Variants in C12orf54 observed in about 807,000 individuals in gnomAD.
C12orf54 encodes uncharacterized protein C12orf54.
A neutral mutation model predicts 26.4 loss-of-function variants in C12orf54; 24 were observed. The observed-to-expected ratio is 0.91, with a 90% CI of 0.66 to 1.28. The LOEUF is 1.28. Ranked by LOEUF, C12orf54 falls within the 50% of genes most tolerant of loss-of-function variation. C12orf54 has a pLI of 0.00. For missense variants in C12orf54, 154 were observed against 150.9 expected (o/e 1.02, Z -0.11); for synonymous variants, 54 against 47.0 (o/e 1.15, Z -0.61).
chr12:48,444,736 T>C, the C12orf54 span, among the ~76,000 whole-genome samples: 171 of 152,290 alleles, frequency 1.1e-3, no homozygotes, highest in South Asian at 2.1e-3. Flanking sequence ...ACCACTATGG[T>C]TATTGATACA....
chr12:48,463,161 C>G, the C12orf54 span, among the ~76,000 whole-genome samples: 1 of 151,724 alleles, frequency 6.6e-6, no homozygotes, highest in African/African-American at 2.4e-5. Flanking sequence ...ATATTAAATG[C>G]TTAGGTATAA....
intron 2 of C12orf54, among the ~76,000 whole-genome samples, chr12:48,485,051 C>T (rs1954242493): frequency 6.6e-6 from 1 of 152,132 alleles, no homozygotes; most frequent in Non-Finnish European, 1.5e-5. Context: ...AATCTGTAGG[C>T]TCAATGTCTT....
the C12orf54 span, among the ~76,000 whole-genome samples, chr12:48,423,921 G>C: frequency 3.9e-5 from 6 of 152,184 alleles, no homozygotes; most frequent in African/African-American, 1.4e-4. Context: ...CTCCATCTAA[G>C]AGGGAAAGCA....
intron 4 of C12orf54, among the ~76,000 whole-genome samples, chr12:48,487,076 A>C (rs1049602288): frequency 6.6e-6 from 1 of 152,248 alleles, no homozygotes; most frequent in African/African-American, 2.4e-5. Context: ...ATTCACAAAC[A>C]TAAAAATGCC....
At chr12:48,476,419 C>A in the C12orf54 span, among the ~76,000 whole-genome samples, 1 of 151,558 alleles carries the variant, frequency 6.6e-6, no homozygotes, top group African/African-American at 2.4e-5. Context: ...TGTAAATGGG[C>A]TAAATGCTCC....
upstream of C12orf54, among the ~76,000 whole-genome samples, chr12:48,482,025 G>A (rs897686856): frequency 6.6e-6 from 1 of 152,078 alleles, no homozygotes; most frequent in Admixed American, 6.5e-5. Flanking sequence ...TCCTGCCTCC[G>A]TATTAAAACC....
intron 7 of C12orf54, among the ~76,000 whole-genome samples, 198 bp from the exon 8 acceptor site, chr12:48,494,600 T>C (rs564398836): frequency 6.6e-6 from 1 of 152,120 alleles, no homozygotes; most frequent in Non-Finnish European, 1.5e-5. Context: ...TGATGCTTCA[T>C]CTCCTAAAGC....
the C12orf54 span, among the ~76,000 whole-genome samples, chr12:48,466,911 C>T: frequency 4.0e-5 from 6 of 151,850 alleles, no homozygotes; most frequent in African/African-American, 1.5e-4. Flanking sequence ...TGTAATAGCC[C>T]CAAACTGAAA....
At chr12:48,473,016 T>G in the C12orf54 span, 43 of 1,614,078 alleles carry the variant, frequency 2.7e-5, no homozygotes, top group Non-Finnish European at 3.6e-5. Context: ...CCTCGAGAGC[T>G]TAGACCTTTT....
the C12orf54 span, among the ~76,000 whole-genome samples, chr12:48,450,106 AAACT>A: frequency 1.3e-5 from 2 of 152,296 alleles, no homozygotes; most frequent in East Asian, 1.9e-4. Flanking sequence ...AGCAGCATGA[AAACT>A]AACTAATACA....
the C12orf54 span, among the ~76,000 whole-genome samples, chr12:48,474,897 T>C: frequency 1.3e-5 from 2 of 151,862 alleles, no homozygotes; most frequent in Admixed American, 6.6e-5. Context: ...TTGAAAAGAG[T>C]AGTGGTTCTC....
upstream of C12orf54, among the ~76,000 whole-genome samples, chr12:48,480,352 G>A (rs4550263): frequency 0.15 from 22,481 of 152,126 alleles, 2,886 homozygotes; most frequent in East Asian, 0.66. Flanking sequence ...TATAGATTCT[G>A]GATATTAGTC....
chr12:48,474,530 G>A, the C12orf54 span, among the ~76,000 whole-genome samples: 1 of 152,206 alleles, frequency 6.6e-6, no homozygotes, highest in Non-Finnish European at 1.5e-5. Flanking sequence ...GGAAAATCGG[G>A]TCACTCCCAC....
Position 48,494,815 on chromosome 12 carries a change from A to G in C12orf54, c.260A>G (p.Asp87Gly), listed in dbSNP as rs1335592933. 1.2e-6 allele frequency: 2 copies of G among 1,613,956 alleles called. No individual in the cohort carries two copies. Among genetic ancestry groups the G allele is most frequent in the Non-Finnish European group, 8.5e-7 (1 of 1,179,800 alleles). ...TGGCACAGAAGCATAAGGCCTCCAG[A>G]TTCCTTGATGACCCCAAAGTTGAGA... ...APRTGSIRPP[D>G]SLMTPKLRRL... is the part of the protein sequence containing the mutation. Residue 87 changes from aspartate (D) to glycine (G), a missense_variant, in exon 8 of 9, where the codon GAT becomes GGT. Coordinates refer to ENST00000548364, the MANE Select transcript of C12orf54 (RefSeq NM_152319.4).
chr12:48,483,114 G>C (rs1954217184), intron 1 of C12orf54, 126 bp from the exon 2 acceptor site: 2 of 589,886 alleles, frequency 3.4e-6, no homozygotes, highest in Non-Finnish European at 6.1e-6. Context: ...GCACACACAT[G>C]CACATGCACA....
chr12:48,490,749 AC>A, intron 5 of C12orf54, 62 bp from the exon 6 acceptor site: 1 of 1,579,372 alleles, frequency 6.3e-7, no homozygotes, highest in Non-Finnish European at 8.7e-7. Flanking sequence ...TATAGCTAAT[AC>A]AGTGCAGGTC....
chr12:48,477,262 T>C, the C12orf54 span, among the ~76,000 whole-genome samples: 1 of 152,092 alleles, frequency 6.6e-6, no homozygotes, highest in Non-Finnish European at 1.5e-5. Context: ...TAGAGGGAAA[T>C]TTATAGCACT....
At chr12:48,466,560 T>C in the C12orf54 span, among the ~76,000 whole-genome samples, 1 of 149,564 alleles carries the variant, frequency 6.7e-6, no homozygotes, top group Non-Finnish European at 1.5e-5. Flanking sequence ...AAAAAAAAGA[T>C]ACATGACTTG....
the C12orf54 span, among the ~76,000 whole-genome samples, chr12:48,474,402 G>A: frequency 2.0e-5 from 3 of 152,198 alleles, no homozygotes; most frequent in Non-Finnish European, 4.4e-5. Context: ...GTGCAGGACA[G>A]TGGGTGCAGC....
Sources: allele counts gnomAD v4.1 joint callset (sites outside exome capture counted in the v4.1 genomes callset), GRCh38; gene constraint gnomAD v4.1.1; transcripts MANE v1.5; gene names NCBI Gene and HGNC (gene_info 2026-07-23, HGNC 2026-07-21).